Variants in TRAPPC9 observed in about 807,000 individuals in gnomAD.
The protein encoded by TRAPPC9 is trafficking protein particle complex subunit 9.
TRAPPC9 carries 83 observed loss-of-function variants against 124.0 expected under a neutral mutation model. That is an observed-to-expected ratio of 0.67 (90% CI 0.56 to 0.80). The LOEUF is 0.80. Among genes scored for constraint, TRAPPC9 ranks in the 30% least tolerant of loss-of-function variants. The probability of loss-of-function intolerance (pLI) is 0.00; values close to 1 mark genes in which losing one functional copy is unlikely to be tolerated. For missense variants in TRAPPC9, 1,302 were observed against 1,508.3 expected (o/e 0.86, Z 2.27); for synonymous variants, 638 against 617.5 (o/e 1.03, Z -0.49).
chr8:139,813,120 C>T (rs879769906), intron 21 of TRAPPC9, among the ~76,000 whole-genome samples: 2 of 152,236 alleles, frequency 1.3e-5, no homozygotes, highest in Admixed American at 6.5e-5. Context: ...AAGGACTGTG[C>T]TGCCGGTCTC....
chr8:140,171,984 G>C (rs960084232), intron 17 of TRAPPC9, among the ~76,000 whole-genome samples: 4 of 152,196 alleles, frequency 2.6e-5, no homozygotes, highest in African/African-American at 9.7e-5. Flanking sequence ...TGCTATGGGT[G>C]CCGCAGGTAC....
chr8:140,072,551 AGGAGGAGGAGGAGGAGAAAG>A (rs1251646670), intron 17 of TRAPPC9, among the ~76,000 whole-genome samples: 11 of 77,130 alleles, frequency 1.4e-4, no homozygotes, highest in African/African-American at 5.8e-4. Flanking sequence ...GAGGAGGAAG[AGGAGGAGGAGGAGGAGAAAG>A]GAAGGAGGAG....
At chr8:140,163,600 G>A (rs1290726778) in intron 17 of TRAPPC9, among the ~76,000 whole-genome samples, 2 of 152,212 alleles carry the variant, frequency 1.3e-5, no homozygotes, top group Non-Finnish European at 2.9e-5. Context: ...AACGCTGTGC[G>A]GTGCATCTCA....
intron 17 of TRAPPC9, among the ~76,000 whole-genome samples, chr8:140,145,574 AC>A (rs1374712005): frequency 1.3e-5 from 2 of 152,218 alleles, no homozygotes; most frequent in African/African-American, 4.8e-5. Flanking sequence ...TATATGTAAC[AC>A]TGGGAAATGT....
At position 139,966,807 on chromosome 8, in the gene TRAPPC9, G is replaced by A. The variant is rs923899743; in HGVS notation, c.2810+21919C>T. Among the ~76,000 whole-genome samples, 4 of 152,306 alleles carry A rather than the reference G, an allele frequency of 2.6e-5. No individual in the cohort carries two copies. The South Asian group carries it at 6.2e-4, about 24-fold the overall frequency. On this transcript the variant is annotated intron_variant, in intron 19 of 22. Coordinates refer to ENST00000438773, the MANE Select transcript of TRAPPC9 (RefSeq NM_001160372.4). ...ACGTGCATCAATACATATCATGGCA[G>A]GTTTCAGATGGTCATTTCGGTGCAA...
At chr8:139,913,867 C>T (rs1831923430) in intron 19 of TRAPPC9, 1 of 152,368 alleles carries the variant, frequency 6.6e-6, no homozygotes, top group Admixed American at 6.5e-5. Context: ...TTCTATCCAC[C>T]TGGTCCCAGG....
At chr8:139,760,414 A>G (rs1820140850) in intron 21 of TRAPPC9, among the ~76,000 whole-genome samples, 1 of 152,154 alleles carries the variant, frequency 6.6e-6, no homozygotes, top group Non-Finnish European at 1.5e-5. Flanking sequence ...AGGCGGACAG[A>G]AAGTGACCGC....
intron 19 of TRAPPC9, among the ~76,000 whole-genome samples, chr8:139,980,505 G>T (rs959452076): frequency 6.6e-6 from 1 of 152,216 alleles, no homozygotes; most frequent in African/African-American, 2.4e-5. Context: ...TCTGGAGGGG[G>T]ACAGCTTTGA....
At chr8:140,200,874 G>A (rs950647539) in intron 17 of TRAPPC9, among the ~76,000 whole-genome samples, 1 of 152,184 alleles carries the variant, frequency 6.6e-6, no homozygotes, top group East Asian at 1.9e-4. Flanking sequence ...CCCTAGTAAT[G>A]TACAACACTG....
At chr8:140,391,246 G>A (rs549537923) in intron 7 of TRAPPC9, among the ~76,000 whole-genome samples, 2 of 152,288 alleles carry the variant, frequency 1.3e-5, no homozygotes, top group Admixed American at 6.5e-5. Flanking sequence ...CAAATGGCTC[G>A]GAATCATTCC....
intron 21 of TRAPPC9, among the ~76,000 whole-genome samples, chr8:139,875,137 A>G (rs1829239237): frequency 6.6e-6 from 1 of 152,186 alleles, no homozygotes; most frequent in Non-Finnish European, 1.5e-5. Context: ...AAGATTGAGG[A>G]GTGAAGGTAG....
At chr8:139,759,628 C>T (rs755011011) in intron 21 of TRAPPC9, among the ~76,000 whole-genome samples, 1 of 152,144 alleles carries the variant, frequency 6.6e-6, no homozygotes, top group Non-Finnish European at 1.5e-5. Context: ...GACAGATGAG[C>T]GCTGTTCTAA....
chr8:139,774,684 C>T (rs547437529), intron 21 of TRAPPC9, among the ~76,000 whole-genome samples: 13 of 152,180 alleles, frequency 8.5e-5, no homozygotes, highest in African/African-American at 4.8e-5. Context: ...CCCGGAGGAA[C>T]GAGGGCTTCT....
intron 17 of TRAPPC9, among the ~76,000 whole-genome samples, chr8:140,046,635 G>A (rs1300027483): frequency 1.3e-5 from 2 of 152,208 alleles, no homozygotes; most frequent in African/African-American, 4.8e-5. Context: ...GTGGACATGA[G>A]CCCTGCTACA....
chr8:139,944,929 C>G (rs941084332), intron 19 of TRAPPC9, among the ~76,000 whole-genome samples: 2 of 152,100 alleles, frequency 1.3e-5, no homozygotes, highest in African/African-American at 4.8e-5. Flanking sequence ...TTGAGATCAG[C>G]GTGGCCAACA....
chr8:140,421,870 T>C (rs996356758), intron 5 of TRAPPC9, among the ~76,000 whole-genome samples: 4 of 150,968 alleles, frequency 2.6e-5, no homozygotes, highest in Non-Finnish European at 4.4e-5. Flanking sequence ...TGATCACCAC[T>C]GCAGAGTAAG....
At position 140,285,426 on chromosome 8, in the gene TRAPPC9, C is replaced by T. The variant is rs549129267; in HGVS notation, c.1982-1405G>A. Among the ~76,000 whole-genome samples, 3 of 152,324 alleles carry T rather than the reference C, an allele frequency of 2.0e-5. No homozygotes were observed. The East Asian group carries it at 5.8e-4, about 29-fold the overall frequency. ...CTGCCTCCAGTCCTTCCCATCTCAA[C>T]AGGGATCCTGGATCCTGAGGGATGG... On this transcript the variant is annotated intron_variant, in intron 13 of 22. Coordinates refer to ENST00000438773, the MANE Select transcript of TRAPPC9 (RefSeq NM_001160372.4).
chr8:139,833,804 G>T (rs754072639), intron 21 of TRAPPC9, among the ~76,000 whole-genome samples: 1 of 152,212 alleles, frequency 6.6e-6, no homozygotes, highest in Non-Finnish European at 1.5e-5. Context: ...GCTTCCTTCC[G>T]CTTCAGGAGC....
intron 17 of TRAPPC9, among the ~76,000 whole-genome samples, chr8:140,192,383 G>A (rs1278044254): frequency 6.6e-6 from 1 of 152,218 alleles, no homozygotes; most frequent in Non-Finnish European, 1.5e-5. Flanking sequence ...TAGGCAAAAG[G>A]ACTCTGTTAG....
Sources: allele counts gnomAD v4.1 joint callset (sites outside exome capture counted in the v4.1 genomes callset), GRCh38; gene constraint gnomAD v4.1.1; transcripts MANE v1.5; gene names NCBI Gene and HGNC (gene_info 2026-07-23, HGNC 2026-07-21).